CA8: variants seen among roughly 807,000 people sequenced by gnomAD.
CA8 encodes the protein carbonic anhydrase-related protein.
A neutral mutation model predicts 41.4 loss-of-function variants in CA8; 22 were observed. That is an observed-to-expected ratio of 0.53 (90% CI 0.38 to 0.76). The LOEUF (loss-of-function observed/expected upper bound fraction) is 0.76. CA8 is among the 30% of genes least tolerant of loss of function. The pLI, the probability that CA8 is intolerant of heterozygous loss-of-function variation, is 0.00. For missense variants in CA8, 270 were observed against 352.8 expected (o/e 0.77, Z 1.88); for synonymous variants, 121 against 130.6 (o/e 0.93, Z 0.50).
At position 60,279,749 on chromosome 8, in the gene CA8, G is replaced by T; in HGVS notation, c.232C>A (p.Arg78=). Reference sequence around the variant, plus strand: ...CCATCATTGGTGACTTCACAGTCTCGGCACACCACATAATTTGGGGAGAGG... The same window carrying T: ...CCATCATTGGTGACTTCACAGTCTCTGCACACCACATAATTTGGGGAGAGG... ...VRLSPNYVVC[R]DCEVTNDGHT... The change falls in exon 2 of 9, where the codon CGA becomes AGA. Residue 78 remains arginine, a synonymous_variant. Transcript: ENST00000317995. 6.2e-7 allele frequency: 1 copy of T among 1,614,018 alleles called. No individual in the cohort carries two copies. The highest frequency in any genetic ancestry group is 8.5e-7 in the Non-Finnish European group (1 of 1,179,996).
intron 3 of CA8, among the ~76,000 whole-genome samples, chr8:60,233,913 T>C (rs1342435670): frequency 6.6e-6 from 1 of 152,156 alleles, no homozygotes; most frequent in Non-Finnish European, 1.5e-5. Flanking sequence ...TGCACATTTT[T>C]TGTGTGTTTA....
Position 60,186,491 on chromosome 8 carries a change from C to T in CA8, c.*3530G>A, listed in dbSNP as rs1180755214. ...AAGTAATAGAGGAGGAATAAAGGAA[C>T]AACAACAAAAAGATACAAGACATGT... On this transcript the variant is annotated 3_prime_UTR_variant, in exon 9 of 9. Coordinates refer to ENST00000317995, the MANE Select transcript of CA8 (RefSeq NM_004056.6). 4.7e-5 allele frequency among the ~76,000 whole-genome samples: 7 copies of T among 149,660 alleles called. No individual in the cohort carries two copies. The highest frequency in any genetic ancestry group is 1.0e-4 in the Non-Finnish European group (7 of 67,246).
At chr8:60,227,484 T>C (rs771482734) in intron 4 of CA8, among the ~76,000 whole-genome samples, 6 of 152,218 alleles carry the variant, frequency 3.9e-5, no homozygotes, top group African/African-American at 9.7e-5. Flanking sequence ...TTACTGTGTA[T>C]AGGAATCACT....
At chr8:60,253,452 A>C (rs1478193210) in intron 3 of CA8, among the ~76,000 whole-genome samples, 1 of 151,122 alleles carries the variant, frequency 6.6e-6, no homozygotes, top group Non-Finnish European at 1.5e-5. Context: ...TTTTCTGAAC[A>C]CTCCTCAAGC....
intron 7 of CA8, among the ~76,000 whole-genome samples, chr8:60,219,730 A>G (rs886742902): frequency 1.3e-5 from 2 of 152,028 alleles, no homozygotes; most frequent in Non-Finnish European, 2.9e-5. Flanking sequence ...GACATCACAC[A>G]TGACTGGCTG....
chr8:60,202,876 T>A (rs1398186118), intron 8 of CA8, among the ~76,000 whole-genome samples: 1 of 152,218 alleles, frequency 6.6e-6, no homozygotes, highest in Non-Finnish European at 1.5e-5. Flanking sequence ...CATAGGTCCC[T>A]GGCATAGTAA....
chr8:60,273,900 T>C (rs1265697601), intron 2 of CA8, among the ~76,000 whole-genome samples: 1 of 152,234 alleles, frequency 6.6e-6, no homozygotes, highest in South Asian at 2.1e-4. Context: ...CCAGATGGGA[T>C]TATATATACA....
chr8:60,193,427 T>C (rs888661993), intron 8 of CA8, among the ~76,000 whole-genome samples: 1 of 152,206 alleles, frequency 6.6e-6, no homozygotes, highest in South Asian at 2.1e-4. Flanking sequence ...CTCTCCTGTT[T>C]CGTGGATCCC....
At chr8:60,197,279 A>G (rs1002374832) in intron 8 of CA8, among the ~76,000 whole-genome samples, 49 of 152,302 alleles carry the variant, frequency 3.2e-4, no homozygotes, top group Middle Eastern at 3.4e-3. Flanking sequence ...ATGAAAAGAT[A>G]TATCATCAAG....
At chr8:60,199,293 GT>G (rs922788576) in intron 8 of CA8, among the ~76,000 whole-genome samples, 2 of 152,000 alleles carry the variant, frequency 1.3e-5, no homozygotes, top group African/African-American at 4.8e-5. Context: ...TATTGCTTCG[GT>G]TTTTTTCTAT....
chr8:60,220,028 A>C (rs1391321595), intron 7 of CA8, among the ~76,000 whole-genome samples: 1 of 151,350 alleles, frequency 6.6e-6, no homozygotes, highest in Non-Finnish European at 1.5e-5. Context: ...AAGATGGTCT[A>C]TATATGGTCC....
intron 8 of CA8, among the ~76,000 whole-genome samples, chr8:60,204,465 A>G (rs1806521335): frequency 6.6e-6 from 1 of 152,256 alleles, no homozygotes; most frequent in African/African-American, 2.4e-5. Flanking sequence ...TAACATTTCT[A>G]AAACATAAAA....
At chr8:60,197,294 T>C (rs76434122) in intron 8 of CA8, among the ~76,000 whole-genome samples, 3,370 of 152,072 alleles carry the variant, frequency 0.022, 122 homozygotes, top group African/African-American at 0.078. Flanking sequence ...ATCAAGCTGA[T>C]TGAAAAATAG....
Position 60,281,157 on chromosome 8 carries a change from G to A in CA8, c.-10C>T. 1.3e-6 allele frequency: 2 copies of A among 1,546,662 alleles called. No individual in the cohort carries two copies. The highest frequency in any genetic ancestry group is 1.7e-6 in the Non-Finnish European group (2 of 1,145,280). On this transcript the variant is annotated 5_prime_UTR_variant, in exon 1 of 9. Coordinates refer to ENST00000317995, the MANE Select transcript of CA8 (RefSeq NM_004056.6). ...AGCTCAGGTCCGCCATGGGAAGGCCGCGGGGCCCCTCGGCGCTCTCGGCAG... is the reference window on the plus strand; with the variant it reads ...AGCTCAGGTCCGCCATGGGAAGGCCACGGGGCCCCTCGGCGCTCTCGGCAG...
intron 2 of CA8, among the ~76,000 whole-genome samples, chr8:60,268,575 T>A (rs1243298163): frequency 6.6e-6 from 1 of 152,182 alleles, no homozygotes; most frequent in Non-Finnish European, 1.5e-5. Context: ...ACTGTGGAAA[T>A]TCAAACTGCA....
At chr8:60,246,456 C>T (rs903803049) in intron 3 of CA8, among the ~76,000 whole-genome samples, 6 of 151,804 alleles carry the variant, frequency 4.0e-5, no homozygotes, top group South Asian at 2.1e-4. Flanking sequence ...CCATGTCTGG[C>T]TAATTTTTTT....
intron 8 of CA8, among the ~76,000 whole-genome samples, chr8:60,204,240 A>G (rs1418974330): frequency 6.6e-6 from 1 of 152,234 alleles, no homozygotes; most frequent in Non-Finnish European, 1.5e-5. Flanking sequence ...ACATGTTTAA[A>G]TGACAAACTG....
chr8:60,250,541 A>G (rs1184833131), intron 3 of CA8, among the ~76,000 whole-genome samples: 1 of 152,110 alleles, frequency 6.6e-6, no homozygotes, highest in South Asian at 2.1e-4. Flanking sequence ...TCCTTTTGTC[A>G]AGGCCATCAT....
chr8:60,222,796 A>G (rs753884633), intron 6 of CA8, 35 bp from the exon 7 acceptor site: 10 of 1,283,360 alleles, frequency 7.8e-6, no homozygotes, highest in Non-Finnish European at 4.6e-6. Flanking sequence ...TGGAAAAGGC[A>G]AGTGAATTAA....
Sources: gnomAD v4.1 joint callset for allele counts (sites outside exome capture counted in the v4.1 genomes callset) on GRCh38, gnomAD v4.1.1 for gene constraint, MANE v1.5 for transcripts, NCBI Gene and HGNC (gene_info 2026-07-23, HGNC 2026-07-21) for gene names.